Variants in ST18 observed in about 807,000 individuals in gnomAD.
ST18 encodes the protein suppression of tumorigenicity 18 protein.
Under a neutral mutation model 110.0 loss-of-function variants are expected in ST18, and 50 were observed. The observed-to-expected ratio is 0.45, with a 90% CI of 0.36 to 0.58. ST18 has a LOEUF of 0.58. ST18 is among the 20% of genes least tolerant of loss of function. The probability of loss-of-function intolerance (pLI) is 0.00; values close to 1 mark genes in which losing one functional copy is unlikely to be tolerated. For missense variants in ST18, 1,306 were observed against 1,280.1 expected, an observed-to-expected ratio of 1.02 and a Z score of -0.31; for synonymous variants, 461 against 452.4, an observed-to-expected ratio of 1.02 and a Z score of -0.24.
intron 9 of ST18, among the ~76,000 whole-genome samples, chr8:52,175,376 G>A (rs936381171): frequency 1.3e-5 from 2 of 152,140 alleles, no homozygotes; most frequent in South Asian, 4.1e-4. Flanking sequence ...TATTGAGAAG[G>A]CTCAACTCAG....
rs1284581093 is a variant in ST18 at position 52,367,330 on chromosome 8, GA to G, written c.-465+41997del. 8.6e-5 allele frequency among the ~76,000 whole-genome samples: 13 copies of G among 151,416 alleles called. No homozygotes were observed. In the East Asian group the frequency reaches 2.5e-3, roughly 29 times the overall value. On this transcript the variant is annotated intron_variant, in intron 2 of 25. Transcript: ENST00000689386. ...TCTGTTACTCGGGAGGCTGAAGCAT[GA>G]GAATTGCTTGAACCCGGGAGGCGGA...
intron 3 of ST18, among the ~76,000 whole-genome samples, chr8:52,222,408 G>T (rs937320379): frequency 1.3e-5 from 2 of 152,154 alleles, no homozygotes; most frequent in East Asian, 1.9e-4. Flanking sequence ...CAGCCCGGCC[G>T]TTTGCTGTCA....
rs75150120 is a variant in ST18 at position 52,209,375 on chromosome 8, T to G, written c.86+2704A>C. On this transcript the variant is annotated intron_variant, in intron 8 of 25. Coordinates refer to ENST00000689386, the MANE Select transcript of ST18 (RefSeq NM_001352837.2). ...ATTTTCACTTTATTCATCTGAAAAC[T>G]GAAATATCATAGTTTCTGCCTAATA... is the stretch of plus-strand genomic sequence containing the variant. Among the ~76,000 whole-genome samples the G allele has an allele frequency of 1.9e-4, 29 of 152,320 alleles. No homozygotes were observed. In the East Asian group the frequency reaches 5.2e-3, roughly 27 times the overall value.
At chr8:52,203,590 T>C (rs759891589) in intron 8 of ST18, among the ~76,000 whole-genome samples, 2 of 152,166 alleles carry the variant, frequency 1.3e-5, no homozygotes, top group Non-Finnish European at 2.9e-5. Context: ...TCAGAAACAT[T>C]ATGTTTGCAA....
intron 10 of ST18, among the ~76,000 whole-genome samples, chr8:52,168,254 T>C (rs2063651485): frequency 6.8e-6 from 1 of 147,634 alleles, no homozygotes; most frequent in Non-Finnish European, 1.5e-5. Flanking sequence ...ATGAGCACAC[T>C]AGATGCTGAT....
At chr8:52,189,485 A>G (rs1317035576) in intron 8 of ST18, among the ~76,000 whole-genome samples, 2 of 152,184 alleles carry the variant, frequency 1.3e-5, no homozygotes, top group Non-Finnish European at 2.9e-5. Flanking sequence ...AGGCCAGGAA[A>G]CCCATCCCAA....
At chr8:52,397,751 T>G (rs961224667) in intron 2 of ST18, among the ~76,000 whole-genome samples, 7 of 152,168 alleles carry the variant, frequency 4.6e-5, no homozygotes, top group Non-Finnish European at 7.4e-5. Context: ...AAAAATTAGT[T>G]AAGTGCATAT....
chr8:52,267,197 C>A (rs559428753), intron 2 of ST18, among the ~76,000 whole-genome samples: 22 of 151,970 alleles, frequency 1.4e-4, no homozygotes, highest in African/African-American at 3.6e-4. Context: ...GCAGGTAAGA[C>A]CCTAGGAGGT....
chr8:52,219,231 T>C (rs557643361), intron 5 of ST18, among the ~76,000 whole-genome samples: 8 of 152,304 alleles, frequency 5.3e-5, no homozygotes, highest in Non-Finnish European at 1.2e-4. Flanking sequence ...GCTGCAGTAC[T>C]AAAAGGATGC....
intron 2 of ST18, among the ~76,000 whole-genome samples, chr8:52,387,789 G>A (rs1302938382): frequency 2.0e-5 from 3 of 152,082 alleles, no homozygotes; most frequent in Non-Finnish European, 4.4e-5. Context: ...AAGATATTTT[G>A]CAAAATGTTT....
chr8:52,246,512 C>T (rs574550134), intron 2 of ST18: 1 of 152,166 alleles, frequency 6.6e-6, no homozygotes, highest in South Asian at 2.1e-4. Flanking sequence ...TTGATAGCTA[C>T]TAATAAAACT....
At chr8:52,331,564 T>A (rs1021517539) in intron 2 of ST18, among the ~76,000 whole-genome samples, 2 of 152,176 alleles carry the variant, frequency 1.3e-5, no homozygotes, top group Non-Finnish European at 2.9e-5. Flanking sequence ...AGGTAGGACA[T>A]TAACATCTGC....
At chr8:52,320,738 T>A (rs1463292495) in intron 2 of ST18, among the ~76,000 whole-genome samples, 4 of 152,208 alleles carry the variant, frequency 2.6e-5, no homozygotes, top group Non-Finnish European at 5.9e-5. Flanking sequence ...CAGGCACTGC[T>A]GAAAATTAAG....
rs1306012548 is a variant in ST18 at position 52,357,723 on chromosome 8, A to ATT, written c.-465+51604_-465+51605insAA. Among the ~76,000 whole-genome samples the ATT allele has an allele frequency of 1.5e-3, 114 of 78,042 alleles. 2 individuals are homozygous for ATT. The highest frequency in any genetic ancestry group is 0.01 in the African/African-American group (109 of 10,514). 51.2% of individuals were successfully genotyped at this position (78,042 alleles called of 152,430 possible). On this transcript the variant is annotated intron_variant, in intron 2 of 25. Transcript: ENST00000689386. ...TATATATATATATATATATATATAT[A>ATT]TATATATAAAACAGACTCAAAGGGA...
At chr8:52,299,584 C>T (rs1003502051) in intron 2 of ST18, among the ~76,000 whole-genome samples, 22 of 152,084 alleles carry the variant, frequency 1.4e-4, no homozygotes, top group Admixed American at 1.2e-3. Context: ...CTCTTATTTC[C>T]TTTGGAGGTT....
intron 2 of ST18, among the ~76,000 whole-genome samples, chr8:52,345,524 A>G (rs1211536751): frequency 6.6e-6 from 1 of 152,154 alleles, no homozygotes. Flanking sequence ...TATCTGACAA[A>G]CTCCAGTGAG....
intron 2 of ST18, among the ~76,000 whole-genome samples, chr8:52,245,241 T>A (rs935051436): frequency 6.6e-6 from 1 of 152,188 alleles, no homozygotes; most frequent in Non-Finnish European, 1.5e-5. Context: ...AAATTAGATT[T>A]TCAATAAATT....
intron 2 of ST18, among the ~76,000 whole-genome samples, chr8:52,382,575 C>T (rs949915859): frequency 3.3e-5 from 5 of 152,116 alleles, no homozygotes; most frequent in East Asian, 3.9e-4. Flanking sequence ...TGCTTGGAAT[C>T]GCTGAGACAC....
chr8:52,141,661 C>T (rs140685341), intron 17 of ST18, among the ~76,000 whole-genome samples: 87 of 152,200 alleles, frequency 5.7e-4, no homozygotes, highest in African/African-American at 1.9e-3. Flanking sequence ...AGAAGAGCTG[C>T]GCTGAGGGAG....
Sources: allele counts gnomAD v4.1 joint callset (sites outside exome capture counted in the v4.1 genomes callset), GRCh38; gene constraint gnomAD v4.1.1; transcripts MANE v1.5; gene names NCBI Gene and HGNC (gene_info 2026-07-23, HGNC 2026-07-21).